The following CLASP1 variants were observed in gnomAD, a reference collection of about 807,000 sequenced individuals.
CLASP1 encodes the protein CLIP-associating protein 1.
In CLASP1, 38 loss-of-function variants were observed where a neutral mutation model predicts 192.3. The observed-to-expected ratio is 0.20, with a 90% confidence interval of 0.15 to 0.26. CLASP1 has a LOEUF of 0.26. Ranked by LOEUF, CLASP1 falls within the 10% of genes least tolerant of loss-of-function variation. The pLI is 1.00. For missense variants in CLASP1, 1,433 were observed against 1,932.5 expected, an observed-to-expected ratio of 0.74 and a Z score of 4.85; for synonymous variants, 691 against 712.8, an observed-to-expected ratio of 0.97 and a Z score of 0.49.
intron 36 of CLASP1, 144 bp from the exon 38 acceptor site, chr2:121,363,444 A>G: frequency 1.1e-6 from 1 of 903,782 alleles, no homozygotes; most frequent in Non-Finnish European, 1.6e-6. Context: ...CACACAGTTC[A>G]CTTGAAATCA....
At chr2:121,575,436 C>T (rs1181751506) in intron 2 of CLASP1, among the ~76,000 whole-genome samples, 1 of 151,574 alleles carries the variant, frequency 6.6e-6, no homozygotes, top group African/African-American at 2.4e-5. Flanking sequence ...AAACTTTTTT[C>T]AAAAAAGGGA....
At chr2:121,381,774 A>T (rs536711185) in intron 33 of CLASP1, among the ~76,000 whole-genome samples, 1 of 152,314 alleles carries the variant, frequency 6.6e-6, no homozygotes, top group African/African-American at 2.4e-5. Context: ...GTCAATAGCA[A>T]GGCTGAGAGT....
chr2:121,407,613 T>G (rs1188564868), exon 25 of CLASP1: 1 of 1,614,028 alleles, frequency 6.2e-7, no homozygotes, highest in East Asian at 2.2e-5. Flanking sequence ...CCACCATTCC[T>G]GGAGCCATAT....
At chr2:121,644,012 T>C (rs1056130778) in intron 1 of CLASP1, among the ~76,000 whole-genome samples, 3 of 152,154 alleles carry the variant, frequency 2.0e-5, no homozygotes, top group African/African-American at 4.8e-5. Flanking sequence ...TACTACTACA[T>C]GGTTATTAAC....
At chr2:121,484,717 TGA>T (rs1342647285) in intron 8 of CLASP1, among the ~76,000 whole-genome samples, 1 of 152,136 alleles carries the variant, frequency 6.6e-6, no homozygotes, top group Admixed American at 6.5e-5. Flanking sequence ...AAAGGGAGAA[TGA>T]GAGAGAACAG....
At position 121,347,127 on chromosome 2, in the gene CLASP1, GCA is replaced by G; in HGVS notation, c.4439_4440del (p.Val1480AlafsTer2). On this transcript the variant is annotated frameshift_variant, in exon 39 of 40. Transcript: ENST00000263710. LOFTEE classifies it high-confidence loss of function. ...ACTAAGCAAAACACGCTGGCCTTAC[GCA>G]CACTACTTTCGGTGTTGTCATAACC... 1 of 1,580,054 alleles carries G rather than the reference GCA, an allele frequency of 6.3e-7. No individual in the cohort carries two copies. The highest frequency in any genetic ancestry group is 8.6e-7 in the Non-Finnish European group (1 of 1,161,772).
At chr2:121,499,191 G>A (rs192736787) in intron 8 of CLASP1, among the ~76,000 whole-genome samples, 1 of 152,178 alleles carries the variant, frequency 6.6e-6, no homozygotes, top group Admixed American at 6.5e-5. Flanking sequence ...ATCAACAGAC[G>A]GATAAAGAAA....
At chr2:121,343,742 G>C (rs2063082241) in intron 39 of CLASP1, among the ~76,000 whole-genome samples, 1 of 152,164 alleles carries the variant, frequency 6.6e-6, no homozygotes, top group African/African-American at 2.4e-5. Context: ...AAGATGGATG[G>C]TAGTGATGGT....
At chr2:121,613,264 C>G (rs1029668230) in intron 1 of CLASP1, among the ~76,000 whole-genome samples, 2 of 152,172 alleles carry the variant, frequency 1.3e-5, no homozygotes, top group Non-Finnish European at 2.9e-5. Context: ...TAGTTAGGTT[C>G]CAAGCATCTC....
In CLASP1 at chr2:121,530,981, C is replaced by T. The variant is rs148828161; in HGVS notation, c.196-656G>A. The stretch of plus-strand genomic sequence containing the variant: ...ACACCCGCATCAACTAGAGCTTTTG[C>T]TTTATTTTGGTGCAATTTTTGGAAA... On this transcript the variant is annotated intron_variant, in intron 2 of 39. Coordinates refer to ENST00000263710, the Ensembl canonical transcript of CLASP1. The T allele has an allele frequency of 1.4e-4, 96 of 700,310 alleles. No individual in the cohort carries two copies. The highest frequency in any genetic ancestry group is 3.8e-4 in the East Asian group (14 of 37,302). 43.4% of individuals were successfully genotyped at this position (700,310 alleles called of 1,614,324 possible).
chr2:121,496,948 C>G (rs1199613905), intron 8 of CLASP1, among the ~76,000 whole-genome samples: 2 of 152,096 alleles, frequency 1.3e-5, no homozygotes, highest in Non-Finnish European at 2.9e-5. Context: ...TAGAGGCCAT[C>G]ATATTATATA....
intron 8 of CLASP1, among the ~76,000 whole-genome samples, chr2:121,487,102 G>A (rs1009119517): frequency 6.6e-6 from 1 of 152,060 alleles, no homozygotes; most frequent in Non-Finnish European, 1.5e-5. Context: ...GCCAAAATAT[G>A]GAATTGCTCT....
chr2:121,441,876 G>T (rs987376607), intron 19 of CLASP1, among the ~76,000 whole-genome samples: 1 of 151,974 alleles, frequency 6.6e-6, no homozygotes, highest in African/African-American at 2.4e-5. Context: ...ACAGTTCTTG[G>T]ATAATTTTTT....
At chr2:121,588,914 C>G (rs1034965355) in intron 2 of CLASP1, among the ~76,000 whole-genome samples, 4 of 152,162 alleles carry the variant, frequency 2.6e-5, no homozygotes, top group Non-Finnish European at 5.9e-5. Context: ...GCCATGTCTC[C>G]CCGGCTACAA....
intron 12 of CLASP1, 106 bp from the exon 13 acceptor site, chr2:121,459,081 A>G (rs765336399): frequency 3.8e-6 from 3 of 795,366 alleles, no homozygotes; most frequent in African/African-American, 1.8e-5. Context: ...TCTAGAAAGG[A>G]CAAGGGTCTG....
At chr2:121,530,960 C>A (rs536019130) in intron 2 of CLASP1, 4 of 700,390 alleles carry the variant, frequency 5.7e-6, no homozygotes, top group African/African-American at 3.5e-5. Context: ...AACAACACAC[C>A]CGCATCAACT....
At position 121,407,773 on chromosome 2, in the gene CLASP1, CTG is replaced by C; in HGVS notation, c.2425-60_2425-59del. ...AGGAAGAAATAGAAAGGTGAAATGACTGTGAGTCACACCAAACAAAATCTACA... is the reference window on the plus strand; with the variant it reads ...AGGAAGAAATAGAAAGGTGAAATGACTGAGTCACACCAAACAAAATCTACA... On this transcript the variant is annotated intron_variant, in intron 24 of 39. Coordinates refer to ENST00000263710, the Ensembl canonical transcript of CLASP1. 7 of 1,596,876 alleles carry C rather than the reference CTG, an allele frequency of 4.4e-6. No individual in the cohort carries two copies. In the South Asian group the frequency reaches 7.7e-5, roughly 18 times the overall value.
At chr2:121,466,340 G>C (rs2089575891) in intron 9 of CLASP1, among the ~76,000 whole-genome samples, 1 of 152,174 alleles carries the variant, frequency 6.6e-6, no homozygotes, top group Admixed American at 6.5e-5. Context: ...CTCTATCACA[G>C]ATGCTGGGGT....
intron 2 of CLASP1, among the ~76,000 whole-genome samples, chr2:121,596,764 A>C (rs1469246808): frequency 6.6e-6 from 1 of 152,162 alleles, no homozygotes; most frequent in Non-Finnish European, 1.5e-5. Context: ...CTCTCCAACT[A>C]AGCATACCCT....
Sources: gnomAD v4.1 joint callset for allele counts (sites outside exome capture counted in the v4.1 genomes callset) on GRCh38, gnomAD v4.1.1 for gene constraint, MANE v1.5 for transcripts, NCBI Gene and HGNC (gene_info 2026-07-23, HGNC 2026-07-21) for gene names.